PSD3: variants seen among roughly 807,000 people sequenced by gnomAD.
The protein encoded by PSD3 is pleckstrin and Sec7 domain containing 3.
In PSD3, 49 loss-of-function variants were observed where a neutral mutation model predicts 105.5. That is an observed-to-expected ratio of 0.46 (90% CI 0.37 to 0.59). The LOEUF (loss-of-function observed/expected upper bound fraction) is 0.59, where lower values mean the gene tolerates loss of function less well. PSD3 is among the 20% of genes least tolerant of loss of function. The probability of loss-of-function intolerance (pLI) is 0.00; values close to 1 mark genes in which losing one functional copy is unlikely to be tolerated. For missense variants in PSD3, 1,561 were observed against 1,263.8 expected (o/e 1.24, Z -3.57); for synonymous variants, 557 against 457.8 (o/e 1.22, Z -2.77).
intron 3 of PSD3, among the ~76,000 whole-genome samples, chr8:18,869,372 G>A (rs932231449): frequency 1.3e-5 from 2 of 151,892 alleles, no homozygotes; most frequent in African/African-American, 4.8e-5. Flanking sequence ...TATTTTTATT[G>A]GAGATGGAGT....
At chr8:18,660,022 T>C (rs1809227310) in intron 9 of PSD3, among the ~76,000 whole-genome samples, 1 of 152,118 alleles carries the variant, frequency 6.6e-6, no homozygotes, top group African/African-American at 2.4e-5. Context: ...TAACTCACTG[T>C]GGAAGGCTGA....
At chr8:18,775,386 G>A (rs1807955733) in intron 8 of PSD3, among the ~76,000 whole-genome samples, 1 of 152,126 alleles carries the variant, frequency 6.6e-6, no homozygotes, top group African/African-American at 2.4e-5. Flanking sequence ...CAAGCAGTGG[G>A]AATGGAGAGT....
intron 9 of PSD3, among the ~76,000 whole-genome samples, chr8:18,697,710 G>C (rs534652712): frequency 2.0e-5 from 3 of 152,298 alleles, no homozygotes; most frequent in East Asian, 1.9e-4. Context: ...CTCTGGGCAA[G>C]TATCTATCAA....
chr8:19,074,098 T>A (rs993910458), intron 1 of PSD3, among the ~76,000 whole-genome samples: 4 of 152,122 alleles, frequency 2.6e-5, no homozygotes, highest in African/African-American at 9.7e-5. Flanking sequence ...CAGCCCAGAA[T>A]TGTTTATGTG....
intron 8 of PSD3, among the ~76,000 whole-genome samples, chr8:18,776,311 A>G (rs1808073194): frequency 6.8e-6 from 1 of 147,290 alleles, no homozygotes; most frequent in South Asian, 2.1e-4. Context: ...TATATATAGT[A>G]TAAAATATAT....
At chr8:18,929,569 A>G (rs1398782559) in intron 2 of PSD3, among the ~76,000 whole-genome samples, 1 of 152,192 alleles carries the variant, frequency 6.6e-6, no homozygotes, top group Non-Finnish European at 1.5e-5. Flanking sequence ...CCCACCTCGT[A>G]GAAACCCATT....
At chr8:18,683,368 A>C (rs1800488941) in intron 9 of PSD3, among the ~76,000 whole-genome samples, 1 of 152,194 alleles carries the variant, frequency 6.6e-6, no homozygotes, top group African/African-American at 2.4e-5. Context: ...GGAAAGGAAA[A>C]AGGAACTAAC....
upstream of PSD3, among the ~76,000 whole-genome samples, chr8:19,016,728 C>A (rs1242408577): frequency 6.6e-6 from 1 of 152,220 alleles, no homozygotes. Flanking sequence ...TCTCACAGTT[C>A]TGGAGGCTGG....
At chr8:18,577,778 T>C (rs1802552889) in intron 12 of PSD3, among the ~76,000 whole-genome samples, 1 of 152,098 alleles carries the variant, frequency 6.6e-6, no homozygotes, top group African/African-American at 2.4e-5. Context: ...GCATTTTCTG[T>C]TTCAAGAAGC....
intron 1 of PSD3, among the ~76,000 whole-genome samples, chr8:18,977,700 AATGTT>A (rs1166307520): frequency 6.6e-6 from 1 of 152,236 alleles, no homozygotes; most frequent in Non-Finnish European, 1.5e-5. Context: ...AAATATATTT[AATGTT>A]ATGTAAATAA....
intron 4 of PSD3, among the ~76,000 whole-genome samples, chr8:18,840,719 G>A (rs62495860): frequency 0.074 from 11,278 of 152,250 alleles, 595 homozygotes; most frequent in African/African-American, 0.15. Flanking sequence ...ACCACACCCT[G>A]AACTACAGCT....
chr8:18,556,595 G>A (rs1801090522), intron 14 of PSD3, among the ~76,000 whole-genome samples: 1 of 152,100 alleles, frequency 6.6e-6, no homozygotes, highest in Non-Finnish European at 1.5e-5. Context: ...AAACCAAATG[G>A]CTTCCGAGCT....
chr8:18,862,628 T>A (rs372577619), intron 4 of PSD3, among the ~76,000 whole-genome samples: 2 of 152,052 alleles, frequency 1.3e-5, no homozygotes, highest in Admixed American at 6.5e-5. Flanking sequence ...AAAATGTTGT[T>A]CTCTGTCACC....
chr8:18,654,803 T>C (rs1475653857), intron 10 of PSD3, among the ~76,000 whole-genome samples: 1 of 152,216 alleles, frequency 6.6e-6, no homozygotes, highest in Non-Finnish European at 1.5e-5. Context: ...CCCAAGCTTA[T>C]TCCATTCAGA....
rs958454285 is a variant in PSD3 at position 18,753,206 on chromosome 8, T to C, written c.2172+12243A>G. On this transcript the variant is annotated intron_variant, in intron 9 of 15. Transcript: ENST00000327040. ...CCCATCTCTACTAAACATACAAAAA[T>C]TAGTCAGGTGTGGTAGCGTGCGCCT... Among the ~76,000 whole-genome samples, 3 of 151,860 alleles carry C rather than the reference T, an allele frequency of 2.0e-5. No homozygotes were observed. In the East Asian group the frequency reaches 5.8e-4, roughly 29 times the overall value.
intron 2 of PSD3, among the ~76,000 whole-genome samples, chr8:18,879,084 A>ACACACACACG (rs1817935986): frequency 1.5e-5 from 2 of 130,188 alleles, no homozygotes; most frequent in Non-Finnish European, 1.7e-5. Flanking sequence ...ACACACACAC[A>ACACACACACG]CACGCACACA....
intron 9 of PSD3, among the ~76,000 whole-genome samples, chr8:18,744,852 T>G (rs1034376709): frequency 6.6e-6 from 1 of 152,240 alleles, no homozygotes; most frequent in South Asian, 2.1e-4. Flanking sequence ...TACTATGGCT[T>G]CTTAGTCTCC....
intron 12 of PSD3, 27 bp downstream of exon 12, chr8:18,600,337 T>C (rs1223866023): frequency 1.9e-6 from 3 of 1,578,114 alleles, no homozygotes; most frequent in African/African-American, 2.7e-5. Flanking sequence ...TCGAGTTTTG[T>C]GGATTTTTTA....
At chr8:18,897,024 C>A (rs1250986730) in intron 2 of PSD3, among the ~76,000 whole-genome samples, 1 of 152,020 alleles carries the variant, frequency 6.6e-6, no homozygotes, top group Non-Finnish European at 1.5e-5. Context: ...TGAGGCTGGT[C>A]TCGAACTCCT....
Sources: allele counts gnomAD v4.1 joint callset (sites outside exome capture counted in the v4.1 genomes callset), GRCh38; gene constraint gnomAD v4.1.1; transcripts MANE v1.5; gene names NCBI Gene and HGNC (gene_info 2026-07-23, HGNC 2026-07-21).